Variants in CERK observed in about 807,000 individuals in gnomAD.
The protein encoded by CERK is ceramide kinase.
Under a neutral mutation model 63.4 loss-of-function variants are expected in CERK, and 39 were observed. The observed-to-expected ratio is 0.61, with a 90% CI of 0.48 to 0.80. CERK has a LOEUF of 0.80. Ranked by LOEUF, CERK falls within the 30% of genes least tolerant of loss-of-function variation. The pLI is 0.00. For missense variants in CERK, 670 were observed against 714.1 expected (o/e 0.94, Z 0.70); for synonymous variants, 302 against 280.0 (o/e 1.08, Z -0.78).
chr22:46,701,185 C>A (rs531812687), intron 7 of CERK, among the ~76,000 whole-genome samples: 1 of 152,230 alleles, frequency 6.6e-6, no homozygotes, highest in African/African-American at 2.4e-5. Context: ...TCTTCCTGAC[C>A]GGGGCTCTGC....
At position 46,714,664 on chromosome 22, in the gene CERK, A is replaced by C. The variant is rs1367425399; in HGVS notation, c.380-2371T>G. Among the ~76,000 whole-genome samples, 1 of 152,198 alleles carries C rather than the reference A, an allele frequency of 6.6e-6. No individual in the cohort carries two copies. The highest frequency in any genetic ancestry group is 2.4e-5 in the African/African-American group (1 of 41,454). On this transcript the variant is annotated intron_variant, in intron 3 of 12. Transcript: ENST00000216264. This position sits in a 1 kb window ranked among gnomAD's most constrained non-coding sequence, Gnocchi z 4.4. ...AAACTCCAAGCCCAGATGATTTCACAACTGAATTCTTCCAAACATTTAAGG... is the reference window on the plus strand; with the variant it reads ...AAACTCCAAGCCCAGATGATTTCACCACTGAATTCTTCCAAACATTTAAGG...
chr22:46,713,368 G>A (rs565332155), intron 3 of CERK, among the ~76,000 whole-genome samples: 2 of 151,718 alleles, frequency 1.3e-5, no homozygotes, highest in Non-Finnish European at 2.9e-5. Context: ...AATTAGCCGG[G>A]CGTGGTGGCG....
At position 46,685,740 on chromosome 22, in the gene CERK, G is replaced by A. The variant is rs1450147472; in HGVS notation, c.*1394C>T. 2.6e-5 allele frequency: 4 copies of A among 152,164 alleles called. No homozygotes were observed. The highest frequency in any genetic ancestry group is 4.4e-5 in the Non-Finnish European group (3 of 68,032). 9.4% of individuals were successfully genotyped at this position (152,164 alleles called of 1,614,324 possible). A position where few individuals can be genotyped will look rare whatever the true frequency, so the allele number is the denominator to read the frequency against. On this transcript the variant is annotated 3_prime_UTR_variant, in exon 13 of 13. Transcript: ENST00000216264. ...ACCTGATCTGGGTGGGGCTAAACGA[G>A]GAAACGAGAAGTTTCCTGTATGCTT... is the stretch of plus-strand genomic sequence containing the variant.
At position 46,721,290 on chromosome 22, in the gene CERK, C is replaced by CAT. The variant is rs369906534; in HGVS notation, c.143-277_143-276dup. Among the ~76,000 whole-genome samples, 646 of 150,972 alleles carry CAT rather than the reference C, an allele frequency of 4.3e-3. 1 individual carries two copies. Among genetic ancestry groups the CAT allele is most frequent in the African/African-American group, 0.015 (600 of 40,994 alleles). ...CATCTCCAAAAAGAAAAAAGATATA[C>CAT]ATATATATATATATTTTTTTGAGAC... On this transcript the variant is annotated intron_variant, in intron 1 of 12. Transcript: ENST00000216264.
At position 46,715,357 on chromosome 22, in the gene CERK, T is replaced by C. The variant is rs527867848; in HGVS notation, c.380-3064A>G. 5.9e-5 allele frequency among the ~76,000 whole-genome samples: 9 copies of C among 152,268 alleles called. No individual in the cohort carries two copies. The South Asian group carries it at 1.9e-3, about 32-fold the overall frequency. On this transcript the variant is annotated intron_variant, in intron 3 of 12. Transcript: ENST00000216264. The stretch of plus-strand genomic sequence containing the variant: ...GTTTGACAAAAATCTAAAATAATCA[T>C]CAAACTATTAGCATCCATAAGTGAA...
At chr22:46,732,874 T>A (rs978599703) in intron 1 of CERK, among the ~76,000 whole-genome samples, 1 of 152,136 alleles carries the variant, frequency 6.6e-6, no homozygotes, top group African/African-American at 2.4e-5. Context: ...ATTGTCTGCC[T>A]TTTTTCCTAT....
intron 1 of CERK, among the ~76,000 whole-genome samples, chr22:46,725,639 CAG>C (rs1305740764): frequency 5.3e-5 from 8 of 152,220 alleles, no homozygotes; most frequent in African/African-American, 1.9e-4. Flanking sequence ...ATTCTCGTGA[CAG>C]AATTCTCGTG....
rs1205018159 is a variant in CERK at position 46,701,807 on chromosome 22, T to C, written c.716-97A>G. ...GTGGTACCTCATTCCTTTCCTTCCATGGCCCTAGAGTCAACACTAAGGAAT... is the reference window on the plus strand; with the variant it reads ...GTGGTACCTCATTCCTTTCCTTCCACGGCCCTAGAGTCAACACTAAGGAAT... On this transcript the variant is annotated intron_variant, in intron 6 of 12. Transcript: ENST00000216264. 4.7e-6 allele frequency: 4 copies of C among 848,654 alleles called. No homozygotes were observed. The African/African-American group carries it at 5.1e-5, about 11-fold the overall frequency. 52.6% of individuals were successfully genotyped at this position (848,654 alleles called of 1,614,324 possible). A position where few individuals can be genotyped will look rare whatever the true frequency, so the allele number is the denominator to read the frequency against.
intron 11 of CERK, 111 bp from the exon 12 acceptor site, chr22:46,690,311 C>T (rs1297525395): frequency 8.2e-6 from 6 of 728,424 alleles, no homozygotes; most frequent in East Asian, 2.6e-5. Flanking sequence ...GGTGCACACA[C>T]GGCCCTTCTC....
At chr22:46,720,841 C>T in intron 2 of CERK, 61 bp downstream of exon 2, 1 of 1,036,706 alleles carries the variant, frequency 9.6e-7, no homozygotes, top group Non-Finnish European at 1.5e-6. Flanking sequence ...GAAAAGTTCC[C>T]TCTCGTGTAA....
chr22:46,707,760 A>G, intron 6 of CERK, 83 bp downstream of exon 6: 3 of 1,465,848 alleles, frequency 2.0e-6, no homozygotes, highest in Non-Finnish European at 2.8e-6. Flanking sequence ...TTGGGTTATT[A>G]AGTGTCCGAG....
In CERK at chr22:46,685,526, A is replaced by C. The variant is rs982641460; in HGVS notation, c.*1608T>G. ...CAGGTTGCTGGGCACAGGCAGGCAC[A>C]GCCAGTCTGGAAGAGCAGCCCGTCT... is the stretch of plus-strand genomic sequence containing the variant. On this transcript the variant is annotated 3_prime_UTR_variant, in exon 13 of 13. Transcript: ENST00000216264. The C allele has an allele frequency of 4.6e-5, 7 of 151,502 alleles. No homozygotes were observed. The highest frequency in any genetic ancestry group is 1.7e-4 in the African/African-American group (7 of 41,400). 9.4% of individuals were successfully genotyped at this position (151,502 alleles called of 1,614,324 possible).
rs2082845080 is a variant in CERK at position 46,712,277 on chromosome 22, A to G, written c.396T>C (p.His132=). The change falls in exon 4 of 13, where the codon CAT becomes CAC. Residue 132 remains histidine, a synonymous_variant. Coordinates refer to ENST00000216264, the MANE Select transcript of CERK (RefSeq NM_022766.6). ...MLEKLTSRPK[H]LLVFINPFGG... The stretch of plus-strand genomic sequence containing the variant: ...CAAACGGGTTGATAAATACCAGTAA[A>G]TGCTTTGGTCTGGACGCTGTAAGAC... The G allele has an allele frequency of 1.2e-6, 2 of 1,613,966 alleles. No individual in the cohort carries two copies. The highest frequency in any genetic ancestry group is 1.7e-6 in the Non-Finnish European group (2 of 1,179,958).
At chr22:46,715,915 G>C (rs1025124957) in intron 3 of CERK, among the ~76,000 whole-genome samples, 3 of 152,280 alleles carry the variant, frequency 2.0e-5, no homozygotes. Context: ...GCCGAGTATA[G>C]TAGCTCACCC....
intron 9 of CERK, among the ~76,000 whole-genome samples, chr22:46,694,751 G>A (rs2082747684): frequency 6.6e-6 from 1 of 152,210 alleles, no homozygotes. Context: ...AGCCAGGGGT[G>A]TGGACAGGAG....
At chr22:46,692,382 C>A (rs1188283458) in intron 10 of CERK, among the ~76,000 whole-genome samples, 3 of 141,458 alleles carry the variant, frequency 2.1e-5, no homozygotes, top group African/African-American at 5.4e-5. Flanking sequence ...GCTGAGATTG[C>A]GCCATTGCAC....
intron 1 of CERK, 32 bp downstream of exon 1, chr22:46,737,975 T>C (rs1218088516): frequency 1.7e-6 from 2 of 1,150,562 alleles, no homozygotes; most frequent in Non-Finnish European, 2.1e-6. Flanking sequence ...CCTGGCCAGG[T>C]CCGGCCGAAC....
intron 1 of CERK, among the ~76,000 whole-genome samples, chr22:46,728,877 G>GGT (rs2082932695): frequency 6.6e-6 from 1 of 152,216 alleles, no homozygotes; most frequent in Admixed American, 6.5e-5. Flanking sequence ...AGGGCAGAGG[G>GGT]GTGCTCAGAG....
intron 3 of CERK, among the ~76,000 whole-genome samples, chr22:46,713,329 C>T (rs1301229979): frequency 6.6e-6 from 1 of 151,012 alleles, no homozygotes; most frequent in African/African-American, 2.4e-5. Flanking sequence ...ACGGTGAAAT[C>T]CCGTCTCTAC....
Sources: gnomAD v4.1 joint callset for allele counts (sites outside exome capture counted in the v4.1 genomes callset) on GRCh38, gnomAD v4.1.1 for gene constraint, Gnocchi (gnomAD v3.1) non-coding constraint, MANE v1.5 for transcripts, NCBI Gene and HGNC (gene_info 2026-07-23, HGNC 2026-07-21) for gene names.